APIP: variants seen among roughly 807,000 people sequenced by gnomAD.
APIP encodes APAF1 interacting protein.
A neutral mutation model predicts 32.0 loss-of-function variants in APIP; 32 were observed. That is an observed-to-expected ratio of 1.00 (90% CI 0.76 to 1.34). The LOEUF is 1.34. APIP is among the 40% of genes most tolerant of loss of function. APIP has a pLI of 0.00. For synonymous variants in APIP, 92 were observed against 94.8 expected, an observed-to-expected ratio of 0.97 and a Z score of 0.17; for missense variants, 247 against 298.6, an observed-to-expected ratio of 0.83 and a Z score of 1.27.
At chr11:34,896,732 A>ACAG (rs2133912614) in intron 1 of APIP, 1 of 1,235,028 alleles carries the variant, frequency 8.1e-7, no homozygotes, top group Non-Finnish European at 1.1e-6. Flanking sequence ...TAAAGCAACA[A>ACAG]CAACAACAAC....
At chr11:34,902,247 C>G (rs183892857) in intron 1 of APIP, among the ~76,000 whole-genome samples, 431 of 152,336 alleles carry the variant, frequency 2.8e-3, no homozygotes, top group Non-Finnish European at 4.8e-3. Flanking sequence ...ACGGTGCTGC[C>G]TCAGGGATTT....
intron 1 of APIP, chr11:34,896,630 G>A (rs1024596331): frequency 3.0e-5 from 13 of 438,626 alleles, no homozygotes; most frequent in African/African-American, 1.9e-4. Context: ...TAGATGATGA[G>A]TTGAGGGGTG....
At chr11:34,903,197 T>G (rs1247644513) in intron 1 of APIP, among the ~76,000 whole-genome samples, 1 of 152,242 alleles carries the variant, frequency 6.6e-6, no homozygotes, top group East Asian at 1.9e-4. Flanking sequence ...TGCATGATTA[T>G]GAACAAGTCA....
At position 34,883,507 on chromosome 11, in the gene APIP, G is replaced by C. The variant is rs199769907; in HGVS notation, c.462-3C>G. 3,723 of 1,611,256 alleles carry C rather than the reference G, an allele frequency of 2.3e-3. 14 individuals carry two copies. The highest frequency in any genetic ancestry group is 2.5e-3 in the Non-Finnish European group (2,909 of 1,178,732). ...GTACCACTAACATATCATCATATCT[G>C]TAAGACAAAACAAGCCATTTTTTTC... On this transcript the variant is annotated splice_region_variant and splice_polypyrimidine_tract_variant and intron_variant, in intron 5 of 6. Transcript: ENST00000395787.
intron 1 of APIP, among the ~76,000 whole-genome samples, chr11:34,904,927 T>C (rs980690317): frequency 6.6e-6 from 1 of 152,240 alleles, no homozygotes; most frequent in African/African-American, 2.4e-5. Flanking sequence ...AAACTACTTA[T>C]CTTAGTCTCA....
chr11:34,888,419 G>T lies in APIP; in HGVS notation c.335C>A (p.Ala112Glu). The change falls in exon 5 of 7, where the codon GCA becomes GAA. Residue 112 changes from alanine (A) to glutamate (E), a missense_variant. Ala to Glu is a moderately radical substitution (Grantham distance 107). Coordinates refer to ENST00000395787, the MANE Select transcript of APIP (RefSeq NM_015957.4). Reference sequence around the variant, plus strand: ...AGCTTTAGAGTGGGTATGAATCACTGCACCTGCTCCTGAAGGAGGAAGAAG... The same window carrying T: ...AGCTTTAGAGTGGGTATGAATCACTTCACCTGCTCCTGAAGGAGGAAGAAG... ...MNAYTMRGAG[A>E]VIHTHSKAAV... The T allele has an allele frequency of 1.9e-6, 3 of 1,606,804 alleles. No individual in the cohort carries two copies. In the African/African-American group the frequency reaches 4.0e-5, roughly 22 times the overall value.
Position 34,897,663 on chromosome 11 carries a change from G to A in APIP, c.58-2553C>T, listed in dbSNP as rs116039576. Among the ~76,000 whole-genome samples, 1,224 of 151,994 alleles carry A rather than the reference G, an allele frequency of 8.1e-3. 20 individuals are homozygous for A. The highest frequency in any genetic ancestry group is 0.028 in the African/African-American group (1,176 of 41,426). Reference sequence around the variant, plus strand: ...GGATAGCAAGCTTTGATGTGCAAATGCCAGCCATTAGAAACCGGGTCCATC... The same window carrying A: ...GGATAGCAAGCTTTGATGTGCAAATACCAGCCATTAGAAACCGGGTCCATC... On this transcript the variant is annotated intron_variant, in intron 1 of 6. Coordinates refer to ENST00000395787, the MANE Select transcript of APIP (RefSeq NM_015957.4).
chr11:34,889,328 AT>A lies in APIP; in HGVS notation c.208-460del, dbSNP rs139777878. Among the ~76,000 whole-genome samples, 1,015 of 152,130 alleles carry A rather than the reference AT, an allele frequency of 6.7e-3. 55 individuals are homozygous for A. In the East Asian group the frequency reaches 0.14, roughly 21 times the overall value. On this transcript the variant is annotated intron_variant, in intron 3 of 6. Transcript: ENST00000395787. ...CGACATTCCAAAGATGGGTGTTAAA[AT>A]TTTTTTCCCCACATTTTGTTAGATA...
intron 5 of APIP, among the ~76,000 whole-genome samples, chr11:34,884,141 A>C (rs1853017968): frequency 6.6e-6 from 1 of 152,200 alleles, no homozygotes; most frequent in Admixed American, 6.6e-5. Context: ...ATATTTAAAC[A>C]CATAATTGTC....
intron 6 of APIP, 148 bp downstream of exon 6, chr11:34,883,189 A>G (rs1329326475): frequency 1.2e-6 from 1 of 851,608 alleles, no homozygotes; most frequent in Non-Finnish European, 1.7e-6. Context: ...CATCCAATCA[A>G]TACTTCTTCA....
chr11:34,884,095 C>T (rs1056431022), intron 5 of APIP, among the ~76,000 whole-genome samples: 1 of 152,128 alleles, frequency 6.6e-6, no homozygotes, highest in Non-Finnish European at 1.5e-5. Flanking sequence ...CTTCCACTGT[C>T]CTCTCAGGAA....
chr11:34,891,284 A>G (rs1280719248), intron 2 of APIP, among the ~76,000 whole-genome samples: 1 of 152,134 alleles, frequency 6.6e-6, no homozygotes, highest in East Asian at 1.9e-4. Flanking sequence ...TTTGGAAATT[A>G]ATTTCAAATC....
chr11:34,885,554 G>A (rs1853053323), intron 5 of APIP, among the ~76,000 whole-genome samples: 6 of 152,124 alleles, frequency 3.9e-5, no homozygotes, highest in Admixed American at 3.9e-4. Context: ...ATTGGTAAAA[G>A]AGATAACGAG....
At chr11:34,910,747 C>G (rs1383372289) in intron 1 of APIP, among the ~76,000 whole-genome samples, 1 of 152,078 alleles carries the variant, frequency 6.6e-6, no homozygotes, top group Admixed American at 6.5e-5. Context: ...ATCCTTATAA[C>G]AACCCTATTG....
At chr11:34,906,377 T>C (rs966342574) in intron 1 of APIP, among the ~76,000 whole-genome samples, 9 of 152,280 alleles carry the variant, frequency 5.9e-5, no homozygotes, top group South Asian at 2.1e-4. Flanking sequence ...TATGCCCTCA[T>C]AGGGAGATTT....
Position 34,883,340 on chromosome 11 carries a change from G to A in APIP, c.626C>T (p.Thr209Ile). The A allele has an allele frequency of 6.2e-7, 1 of 1,607,836 alleles. No individual in the cohort carries two copies. Among genetic ancestry groups the A allele is most frequent in the Non-Finnish European group, 8.5e-7 (1 of 1,177,646 alleles). ...ATGTTCTCTGATTTACACTCACATG[G>A]TTTTGGCCTTCTCCCATGTTTCCCC... ...VWGETWEKAK[T>I]MCECYDYLFD... Residue 209 changes from threonine to isoleucine, a missense_variant, in exon 6 of 7, where the codon ACC (threonine) becomes ATC (isoleucine). Physicochemically the swap from Thr to Ile is moderately conservative, Grantham distance 89. Transcript: ENST00000395787.
At chr11:34,914,523 G>A (rs915802144) in intron 1 of APIP, among the ~76,000 whole-genome samples, 1 of 152,060 alleles carries the variant, frequency 6.6e-6, no homozygotes, top group Non-Finnish European at 1.5e-5. Context: ...ATATCTAGAG[G>A]GGCTCATGTA....
chr11:34,887,297 A>G (rs530536786), intron 5 of APIP, among the ~76,000 whole-genome samples: 2 of 152,264 alleles, frequency 1.3e-5, no homozygotes, highest in African/African-American at 4.8e-5. Context: ...CACCAAAACA[A>G]TAACATTCAT....
rs748974469 is a variant in APIP at position 34,895,065 on chromosome 11, A to T, written c.103T>A (p.Phe35Ile). Reference protein sequence around the residue: ...RYLIPELCKQFYHLGWVTGTG... With the variant: ...RYLIPELCKQIYHLGWVTGTG... ...CCAGTGACCCAGCCTAAATGGTAAA[A>T]CTGTTTGCAAAGTTCTGGGATCAGG... The change falls in exon 2 of 7, where the codon TTT becomes ATT. Residue 35 changes from phenylalanine (F) to isoleucine (I), a missense_variant. Physicochemically the swap from Phe to Ile is conservative, Grantham distance 21 (BLOSUM62 0). Coordinates refer to ENST00000395787, the MANE Select transcript of APIP (RefSeq NM_015957.4). 1 of 1,614,060 alleles carries T rather than the reference A, an allele frequency of 6.2e-7. No homozygotes were observed. Among genetic ancestry groups the T allele is most frequent in the Admixed American group, 1.7e-5 (1 of 60,002 alleles).
Sources: gnomAD v4.1 joint callset for allele counts (sites outside exome capture counted in the v4.1 genomes callset) on GRCh38, gnomAD v4.1.1 for gene constraint, MANE v1.5 for transcripts, NCBI Gene and HGNC (gene_info 2026-07-23, HGNC 2026-07-21) for gene names.